Variants in MAP3K7CL observed in about 807,000 individuals in gnomAD.
The protein encoded by MAP3K7CL is MAP3K7 C-terminal like, also known as MAP3K7 C-terminal-like protein.
In MAP3K7CL, 16 loss-of-function variants were observed where a neutral mutation model predicts 18.6. The ratio of observed to expected loss-of-function variants is 0.86; its 90% CI spans 0.58 to 1.31. The LOEUF (loss-of-function observed/expected upper bound fraction) is 1.31. Ranked by LOEUF, MAP3K7CL falls within the 50% of genes most tolerant of loss-of-function variation. The pLI, the probability that MAP3K7CL is intolerant of heterozygous loss-of-function variation, is 0.00. For synonymous variants in MAP3K7CL, 65 were observed against 66.8 expected, an observed-to-expected ratio of 0.97 and a Z score of 0.13; for missense variants, 163 against 174.4, an observed-to-expected ratio of 0.93 and a Z score of 0.37.
At chr21:29,142,651 C>T (rs542283556) in intron 2 of MAP3K7CL, among the ~76,000 whole-genome samples, 1 of 152,250 alleles carries the variant, frequency 6.6e-6, no homozygotes, top group South Asian at 2.1e-4. Flanking sequence ...CTTTGGTTGG[C>T]TTTATAGTGA....
chr21:29,079,950 C>G (rs1459917811), intron 1 of MAP3K7CL, among the ~76,000 whole-genome samples: 1 of 152,008 alleles, frequency 6.6e-6, no homozygotes, highest in East Asian at 1.9e-4. Flanking sequence ...TTTAGTTGTC[C>G]CGGTGTCTTT....
At chr21:29,157,415 T>C (rs544046092) in intron 3 of MAP3K7CL, among the ~76,000 whole-genome samples, 1 of 152,346 alleles carries the variant, frequency 6.6e-6, no homozygotes, top group African/African-American at 2.4e-5. Flanking sequence ...TTGGAACATT[T>C]GAAGTGGTGC....
At chr21:29,156,904 T>G (rs2087417901) in intron 3 of MAP3K7CL, among the ~76,000 whole-genome samples, 1 of 152,150 alleles carries the variant, frequency 6.6e-6, no homozygotes, top group Non-Finnish European at 1.5e-5. Context: ...CACTTTGATT[T>G]GCTCAACAAT....
At chr21:29,092,376 A>C (rs2086043422) in intron 3 of MAP3K7CL, 2 of 1,583,648 alleles carry the variant, frequency 1.3e-6, no homozygotes, top group African/African-American at 2.7e-5. Context: ...AACTGACATC[A>C]AAAGGTCTGT....
At chr21:29,101,996 C>T (rs904216442) in intron 4 of MAP3K7CL, among the ~76,000 whole-genome samples, 4 of 152,100 alleles carry the variant, frequency 2.6e-5, no homozygotes, top group Admixed American at 6.5e-5. Context: ...GAGAAAGTGA[C>T]TGAGAGATGG....
intron 4 of MAP3K7CL, among the ~76,000 whole-genome samples, chr21:29,162,681 C>T (rs2146734481): frequency 8.5e-6 from 1 of 117,408 alleles, no homozygotes; most frequent in African/African-American, 3.4e-5. Context: ...AAAACTCTGT[C>T]TCAAAAAAAA....
chr21:29,099,972 A>G lies in MAP3K7CL; in HGVS notation c.370+7391A>G, dbSNP rs533301055. ...GTGGCGGGCGCCTGTAGTCCCAGCTACTCGGGAGGCTGAGGCAGGAGAATG... is the reference window on the plus strand; with the variant it reads ...GTGGCGGGCGCCTGTAGTCCCAGCTGCTCGGGAGGCTGAGGCAGGAGAATG... On this transcript the variant is annotated intron_variant, in intron 4 of 6. Transcript: ENST00000286791. Among the ~76,000 whole-genome samples, 16 of 151,196 alleles carry G rather than the reference A, an allele frequency of 1.1e-4. No individual in the cohort carries two copies. The South Asian group carries it at 2.3e-3, about 22-fold the overall frequency.
At chr21:29,108,219 T>G (rs2086357408) in intron 4 of MAP3K7CL, among the ~76,000 whole-genome samples, 1 of 152,114 alleles carries the variant, frequency 6.6e-6, no homozygotes, top group Non-Finnish European at 1.5e-5. Flanking sequence ...TCAGATAGGC[T>G]TAGTGTCCTT....
upstream of MAP3K7CL, among the ~76,000 whole-genome samples, chr21:29,083,269 A>G (rs547163271): frequency 1.3e-4 from 20 of 151,102 alleles, no homozygotes; most frequent in Admixed American, 8.6e-4. Context: ...GCAAAAATTT[A>G]TGTTTGAGCA....
At chr21:29,134,670 A>G (rs938106476) in intron 2 of MAP3K7CL, among the ~76,000 whole-genome samples, 11 of 152,212 alleles carry the variant, frequency 7.2e-5, no homozygotes, top group Non-Finnish European at 1.5e-4. Flanking sequence ...AGGCAAATCA[A>G]TCCACCCCAA....
At chr21:29,170,721 C>T (rs1408942389) in intron 4 of MAP3K7CL, among the ~76,000 whole-genome samples, 2 of 151,800 alleles carry the variant, frequency 1.3e-5, no homozygotes, top group African/African-American at 4.8e-5. Context: ...CTCACTGCAG[C>T]TCCACCTCCC....
At chr21:29,154,498 C>T (rs2087353321) in intron 3 of MAP3K7CL, among the ~76,000 whole-genome samples, 2 of 151,914 alleles carry the variant, frequency 1.3e-5, no homozygotes, top group Non-Finnish European at 2.9e-5. Flanking sequence ...ACACACTGAA[C>T]TAACAGAGTC....
chr21:29,124,902 A>G lies in MAP3K7CL; in HGVS notation c.371-24287A>G, dbSNP rs943264672. 3.3e-5 allele frequency among the ~76,000 whole-genome samples: 5 copies of G among 152,320 alleles called. 1 individual carries two copies. The South Asian group carries it at 1.0e-3, about 32-fold the overall frequency. The stretch of plus-strand genomic sequence containing the variant: ...TAGAACAGCAGAGATGAGTAATTGT[A>G]ACAGAAAGTGTATGGCCTGAAAAAC... On this transcript the variant is annotated intron_variant, in intron 4 of 6. Coordinates refer to the MAP3K7CL transcript ENST00000286791.
At chr21:29,148,361 T>G (rs1455365049) in intron 2 of MAP3K7CL, among the ~76,000 whole-genome samples, 1 of 152,070 alleles carries the variant, frequency 6.6e-6, no homozygotes, top group East Asian at 1.9e-4. Context: ...AGAGAGTACC[T>G]GGAGATAATG....
At chr21:29,168,881 A>G (rs892090685) in intron 4 of MAP3K7CL, among the ~76,000 whole-genome samples, 1 of 152,236 alleles carries the variant, frequency 6.6e-6, no homozygotes, top group East Asian at 1.9e-4. Flanking sequence ...AAAGAGGCTC[A>G]AATCCAATCT....
At chr21:29,084,741 G>C (rs2085894647), upstream of MAP3K7CL, among the ~76,000 whole-genome samples, 1 of 152,138 alleles carries the variant, frequency 6.6e-6, no homozygotes, top group Non-Finnish European at 1.5e-5. Flanking sequence ...AATCACATCA[G>C]GAATCTCAAT....
chr21:29,077,183 C>A (rs1218006218), upstream of MAP3K7CL, among the ~76,000 whole-genome samples: 2 of 152,258 alleles, frequency 1.3e-5, no homozygotes, highest in African/African-American at 4.8e-5. Context: ...GCCAGTCCGC[C>A]GCCGTGAGCC....
At chr21:29,113,068 T>C (rs2051435613) in intron 4 of MAP3K7CL, among the ~76,000 whole-genome samples, 2 of 152,240 alleles carry the variant, frequency 1.3e-5, no homozygotes, top group Admixed American at 1.3e-4. Flanking sequence ...GTGCTGGGAT[T>C]ACAGGCGTGA....
intron 4 of MAP3K7CL, among the ~76,000 whole-genome samples, chr21:29,112,901 T>C (rs1259622740): frequency 2.6e-5 from 4 of 152,014 alleles, no homozygotes; most frequent in African/African-American, 9.7e-5. Context: ...CTCTGCCTCC[T>C]GGGTTCAAGC....
Sources: allele counts gnomAD v4.1 joint callset (sites outside exome capture counted in the v4.1 genomes callset), GRCh38; gene constraint gnomAD v4.1.1; transcripts MANE v1.5; gene names NCBI Gene and HGNC (gene_info 2026-07-23, HGNC 2026-07-21).